Variants in PBK observed in about 807,000 individuals in gnomAD.
The protein encoded by PBK is PDZ binding kinase, also known as lymphokine-activated killer T-cell-originated protein kinase.
PBK carries 22 observed loss-of-function variants against 33.5 expected under a neutral mutation model. The observed-to-expected ratio is 0.66, with a 90% CI of 0.47 to 0.94. The LOEUF (loss-of-function observed/expected upper bound fraction) is 0.94, where lower values mean the gene tolerates loss of function less well. Among genes scored for constraint, PBK ranks in the 40% least tolerant of loss-of-function variants. PBK has a pLI of 0.00. For missense variants in PBK, 376 were observed against 383.4 expected (o/e 0.98, Z 0.16); for synonymous variants, 129 against 123.8 (o/e 1.04, Z -0.28).
Position 27,809,627 on chromosome 8 carries a change from T to C in PBK, c.*678A>G, listed in dbSNP as rs1274128155. ...AAAATAATGCTGAGACACCTTCTGG[T>C]ACCCAAAGTGTCCTTTATTCTTTAT... is the stretch of plus-strand genomic sequence containing the variant. On this transcript the variant is annotated 3_prime_UTR_variant, in exon 8 of 8. Transcript: ENST00000301905. 1.3e-5 allele frequency: 2 copies of C among 152,194 alleles called. No individual in the cohort carries two copies. Among genetic ancestry groups the C allele is most frequent in the African/African-American group, 2.4e-5 (1 of 41,444 alleles). 9.4% of individuals were successfully genotyped at this position (152,194 alleles called of 1,614,324 possible).
intron 3 of PBK, among the ~76,000 whole-genome samples, chr8:27,826,825 A>ATT (rs1437291520): frequency 6.6e-6 from 1 of 150,936 alleles, no homozygotes; most frequent in African/African-American, 2.4e-5. Flanking sequence ...AAGATCAGCT[A>ATT]TTTGAAGCTT....
intron 2 of PBK, among the ~76,000 whole-genome samples, chr8:27,829,166 T>A (rs1212296851): frequency 6.6e-6 from 1 of 152,158 alleles, no homozygotes; most frequent in Non-Finnish European, 1.5e-5. Context: ...TTTGGCCAAG[T>A]ACTTATCCGC....
At chr8:27,835,118 C>T (rs964020375) in intron 1 of PBK, among the ~76,000 whole-genome samples, 10 of 152,088 alleles carry the variant, frequency 6.6e-5, no homozygotes, top group Non-Finnish European at 1.2e-4. Flanking sequence ...GGGAGGCAGA[C>T]AGATTTGCTT....
At chr8:27,811,730 T>A (rs1805688600) in intron 6 of PBK, among the ~76,000 whole-genome samples, 1 of 152,192 alleles carries the variant, frequency 6.6e-6, no homozygotes, top group Non-Finnish European at 1.5e-5. Flanking sequence ...TGGATCAATT[T>A]AGTAAGCATT....
At chr8:27,819,548 A>G (rs1178696983) in intron 6 of PBK, among the ~76,000 whole-genome samples, 1 of 152,064 alleles carries the variant, frequency 6.6e-6, no homozygotes, top group Admixed American at 6.5e-5. Context: ...GATTTACAGC[A>G]TTGATGTTAA....
Position 27,810,505 on chromosome 8 carries a change from G to A in PBK, c.773-4C>T, listed in dbSNP as rs1312214517. The A allele has an allele frequency of 6.4e-7, 1 of 1,569,940 alleles. No individual in the cohort carries two copies. The highest frequency in any genetic ancestry group is 1.1e-5 in the South Asian group (1 of 89,392). On this transcript the variant is annotated splice_polypyrimidine_tract_variant and splice_region_variant and intron_variant, in intron 7 of 7. Coordinates refer to ENST00000301905, the MANE Select transcript of PBK (RefSeq NM_018492.4). ...TCACTTTCATCAAAAGTTTTATCTT[G>A]AAGGAGTTAGAGATTGAAACAATAA... is the stretch of plus-strand genomic sequence containing the variant.
At chr8:27,820,113 A>T (rs891008508) in intron 6 of PBK, among the ~76,000 whole-genome samples, 1 of 152,200 alleles carries the variant, frequency 6.6e-6, no homozygotes. Context: ...CTGAGAAGCT[A>T]TGCAATAGAG....
At chr8:27,830,286 A>G in intron 2 of PBK, among the ~76,000 whole-genome samples, 1 of 150,898 alleles carries the variant, frequency 6.6e-6, no homozygotes, top group African/African-American at 2.5e-5. Context: ...AATGTGCTCA[A>G]TGATACAAAG....
intron 2 of PBK, among the ~76,000 whole-genome samples, chr8:27,832,454 A>C (rs1806148237): frequency 6.6e-6 from 1 of 152,218 alleles, no homozygotes; most frequent in African/African-American, 2.4e-5. Flanking sequence ...GAACAAAGTA[A>C]AACTGTCTTT....
rs377190265 is a variant in PBK at position 27,821,808 on chromosome 8, C to T, written c.465+511G>A. Among the ~76,000 whole-genome samples the T allele has an allele frequency of 4.6e-5, 7 of 152,248 alleles. No homozygotes were observed. The East Asian group carries it at 7.8e-4, about 17-fold the overall frequency. On this transcript the variant is annotated intron_variant, in intron 5 of 7. Transcript: ENST00000301905. The stretch of plus-strand genomic sequence containing the variant: ...GTGGGACAATGAATGACTAGGGCCA[C>T]ATGTACGTATAAGGATGTTTTGGTC...
intron 5 of PBK, among the ~76,000 whole-genome samples, chr8:27,820,984 T>C (rs7357500): frequency 0.16 from 23,833 of 151,244 alleles, 2,377 homozygotes; most frequent in East Asian, 0.37. Context: ...CCACCACACC[T>C]GGCTAATTTT....
At chr8:27,815,612 ATATG>A (rs558504025) in intron 6 of PBK, among the ~76,000 whole-genome samples, 463 of 152,340 alleles carry the variant, frequency 3.0e-3, no homozygotes, top group African/African-American at 0.01. Flanking sequence ...ATATACACGT[ATATG>A]TGTGTGTACA....
chr8:27,831,210 G>A (rs970546826), intron 2 of PBK, among the ~76,000 whole-genome samples: 4 of 151,894 alleles, frequency 2.6e-5, no homozygotes, highest in East Asian at 1.9e-4. Flanking sequence ...AAAATTAGCC[G>A]GCCATGGTGG....
intron 1 of PBK, among the ~76,000 whole-genome samples, chr8:27,834,948 A>T (rs568615560): frequency 6.6e-6 from 1 of 152,120 alleles, no homozygotes; most frequent in African/African-American, 2.4e-5. Flanking sequence ...ATATATAAAC[A>T]AAGCAACTCA....
chr8:27,827,033 T>G (rs10113817), intron 3 of PBK, among the ~76,000 whole-genome samples: 23,923 of 152,024 alleles, frequency 0.16, 2,384 homozygotes, highest in East Asian at 0.37. Context: ...ACTGCAAAAA[T>G]GCTTCAGGAA....
chr8:27,814,929 TACAG>T (rs1469194867), intron 6 of PBK, among the ~76,000 whole-genome samples: 10 of 152,222 alleles, frequency 6.6e-5, no homozygotes, highest in Non-Finnish European at 1.2e-4. Flanking sequence ...CTCAAACTCT[TACAG>T]ACAGAATATT....
chr8:27,834,108 A>G (rs9314354), intron 1 of PBK, among the ~76,000 whole-genome samples: 23,800 of 151,110 alleles, frequency 0.16, 2,379 homozygotes, highest in East Asian at 0.37. Context: ...ACTCACTGCA[A>G]CCTCTGCCTC....
At chr8:27,817,890 C>T (rs1805848739) in intron 6 of PBK, among the ~76,000 whole-genome samples, 1 of 152,150 alleles carries the variant, frequency 6.6e-6, no homozygotes, top group South Asian at 2.1e-4. Context: ...ATTAAATCTC[C>T]TAAATCTGCA....
At chr8:27,836,377 G>C (rs1221000491) in intron 1 of PBK, among the ~76,000 whole-genome samples, 1 of 151,918 alleles carries the variant, frequency 6.6e-6, no homozygotes, top group African/African-American at 2.4e-5. Flanking sequence ...CAAGATTTCA[G>C]CTTGTACTGA....
Sources: gnomAD v4.1 joint callset for allele counts (sites outside exome capture counted in the v4.1 genomes callset) on GRCh38, gnomAD v4.1.1 for gene constraint, MANE v1.5 for transcripts, NCBI Gene and HGNC (gene_info 2026-07-23, HGNC 2026-07-21) for gene names.